LRRC8C: variants seen among roughly 807,000 people sequenced by gnomAD.
LRRC8C encodes volume-regulated anion channel subunit LRRC8C.
Under a neutral mutation model 55.3 loss-of-function variants are expected in LRRC8C, and 20 were observed. The ratio of observed to expected loss-of-function variants is 0.36; its 90% confidence interval spans 0.25 to 0.53. The LOEUF (loss-of-function observed/expected upper bound fraction) is 0.53, where lower values mean the gene tolerates loss of function less well. Ranked by LOEUF, LRRC8C falls within the 20% of genes least tolerant of loss-of-function variation. LRRC8C has a pLI of 0.92. For synonymous variants in LRRC8C, 376 were observed against 360.7 expected, an observed-to-expected ratio of 1.04 and a Z score of -0.48; for missense variants, 659 against 951.4, an observed-to-expected ratio of 0.69 and a Z score of 4.04.
chr1:89,714,090 C>T lies in LRRC8C; in HGVS notation c.1520C>T (p.Pro507Leu). The T allele has an allele frequency of 6.2e-7, 1 of 1,614,042 alleles. No individual in the cohort carries two copies. Among genetic ancestry groups the T allele is most frequent in the East Asian group, 2.2e-5 (1 of 44,884 alleles). ...AAGTTTGATGACATGAGGGAACTCC[C>T]CCCCTGGATGTATGGGCTCCGAAAT... ...SVKFDDMREL[P>L]PWMYGLRNLE... is the part of the protein sequence containing the mutation. Residue 507 changes from proline (P) to leucine (L), a missense_variant, in exon 3 of 3, where the codon CCC becomes CTC. By Grantham distance (98) the Pro-to-Leu change is moderately conservative (BLOSUM62 -3). Coordinates refer to ENST00000370454, the MANE Select transcript of LRRC8C (RefSeq NM_032270.5). This position sits in a 1 kb window ranked among gnomAD's most constrained non-coding sequence, Gnocchi z 4.6.
chr1:89,631,011 G>C (rs927113748), upstream of LRRC8C, among the ~76,000 whole-genome samples: 1 of 152,188 alleles, frequency 6.6e-6, no homozygotes, highest in Admixed American at 6.5e-5. Context: ...CAAAAGTATT[G>C]CAATAAAGCA....
intron 1 of LRRC8C, among the ~76,000 whole-genome samples, chr1:89,660,986 G>C (rs1209457902): frequency 6.6e-6 from 1 of 152,098 alleles, no homozygotes; most frequent in African/African-American, 2.4e-5. Context: ...GACTCCTCTG[G>C]TAGCCTTTTG....
At chr1:89,661,254 A>T (rs10737709) in intron 1 of LRRC8C, 90,906 of 264,860 alleles carry the variant, frequency 0.34, 15,932 homozygotes, top group African/African-American at 0.41. Flanking sequence ...GTAATCCACA[A>T]TTACTGAGTA....
chr1:89,711,400 G>A (rs1658645032), intron 2 of LRRC8C, among the ~76,000 whole-genome samples: 1 of 152,216 alleles, frequency 6.6e-6, no homozygotes, highest in South Asian at 2.1e-4. Flanking sequence ...CTTTGATGTT[G>A]CAAAATCACT....
At chr1:89,708,517 A>C (rs764467153) in intron 2 of LRRC8C, 2 of 151,498 alleles carry the variant, frequency 1.3e-5, no homozygotes, top group Non-Finnish European at 2.9e-5. Flanking sequence ...AAAATTTCCT[A>C]ATTCTCACAG....
intron 1 of LRRC8C, among the ~76,000 whole-genome samples, chr1:89,666,306 T>C (rs1657260754): frequency 6.6e-6 from 1 of 152,080 alleles, no homozygotes; most frequent in Admixed American, 6.6e-5. Context: ...ATACTGTTAA[T>C]AATATAAAGG....
At chr1:89,671,143 A>G (rs1278672168) in intron 1 of LRRC8C, among the ~76,000 whole-genome samples, 1 of 151,970 alleles carries the variant, frequency 6.6e-6, no homozygotes, top group Non-Finnish European at 1.5e-5. Flanking sequence ...AGCTCACTGC[A>G]TCCTTAAACT....
intron 1 of LRRC8C, among the ~76,000 whole-genome samples, chr1:89,639,420 T>C (rs1656392457): frequency 1.3e-5 from 2 of 152,216 alleles, no homozygotes; most frequent in Non-Finnish European, 2.9e-5. Flanking sequence ...TTGGGTTCTT[T>C]AGGTAGCATG....
chr1:89,703,063 AT>A (rs1198430225), intron 2 of LRRC8C, among the ~76,000 whole-genome samples: 1 of 152,200 alleles, frequency 6.6e-6, no homozygotes, highest in Non-Finnish European at 1.5e-5. Context: ...TTGAAGAAAT[AT>A]TTGCTTTAAT....
At chr1:89,655,343 G>A (rs1656912088) in intron 1 of LRRC8C, among the ~76,000 whole-genome samples, 1 of 151,970 alleles carries the variant, frequency 6.6e-6, no homozygotes, top group Non-Finnish European at 1.5e-5. Context: ...TTTTAAGTGT[G>A]AACTCCTGCT....
At chr1:89,642,942 TTGGAG>T (rs1439510756) in intron 1 of LRRC8C, among the ~76,000 whole-genome samples, 2 of 139,880 alleles carry the variant, frequency 1.4e-5, no homozygotes, top group Non-Finnish European at 3.0e-5. Context: ...CACTTGAACC[TTGGAG>T]GTGGAGGTTG....
chr1:89,622,393 C>T, the LRRC8C span, among the ~76,000 whole-genome samples: 1 of 146,916 alleles, frequency 6.8e-6, no homozygotes, highest in East Asian at 2.0e-4. Context: ...AGTGCAGTGG[C>T]GCGATCTCGG....
intron 1 of LRRC8C, among the ~76,000 whole-genome samples, chr1:89,642,464 C>T (rs1292815920): frequency 6.6e-6 from 1 of 152,196 alleles, no homozygotes; most frequent in Non-Finnish European, 1.5e-5. Context: ...CCTGTAATCC[C>T]AGCACTTTGG....
intron 1 of LRRC8C, among the ~76,000 whole-genome samples, chr1:89,678,820 A>G (rs1458404773): frequency 6.6e-6 from 1 of 152,210 alleles, no homozygotes; most frequent in Non-Finnish European, 1.5e-5. Flanking sequence ...AGCAACTGGA[A>G]AGATAGACTT....
At chr1:89,689,660 G>T (rs1338955903) in intron 2 of LRRC8C, among the ~76,000 whole-genome samples, 1 of 152,148 alleles carries the variant, frequency 6.6e-6, no homozygotes, top group Non-Finnish European at 1.5e-5. Context: ...AGAGAAATCG[G>T]CCGGGCATGG....
At position 89,696,925 on chromosome 1, in the gene LRRC8C, G is replaced by A. The variant is rs113682996; in HGVS notation, c.138+10314G>A. ...CCCTCTATAGGTAAAAGACCTGTTT[G>A]TCTGAAATGTGTGGAACCTGTCTTA... On this transcript the variant is annotated intron_variant, in intron 2 of 2. Transcript: ENST00000370454. 5.5e-3 allele frequency among the ~76,000 whole-genome samples: 837 copies of A among 152,224 alleles called. 11 individuals are homozygous for A. The highest frequency in any genetic ancestry group is 0.019 in the African/African-American group (793 of 41,534).
chr1:89,712,616 T>C, intron 2 of LRRC8C, 93 bp from the exon 3 acceptor site: 2 of 841,078 alleles, frequency 2.4e-6, no homozygotes, highest in Non-Finnish European at 1.9e-6. Context: ...GAAATGGACA[T>C]TTATTGGATG....
intron 2 of LRRC8C, among the ~76,000 whole-genome samples, chr1:89,693,531 A>T (rs1658079984): frequency 6.6e-6 from 1 of 151,870 alleles, no homozygotes; most frequent in African/African-American, 2.4e-5. Context: ...AGAAATTCTT[A>T]CTTAGAATCA....
rs143612038 is a variant in LRRC8C at position 89,688,421 on chromosome 1, G to T, written c.138+1810G>T. The stretch of plus-strand genomic sequence containing the variant: ...AAATCAATTAGTAAATATGTTAGAA[G>T]ATAAAGGCAATGGGAAAAAATAAAG... On this transcript the variant is annotated intron_variant, in intron 2 of 2. Coordinates refer to ENST00000370454, the MANE Select transcript of LRRC8C (RefSeq NM_032270.5). 3.6e-3 allele frequency among the ~76,000 whole-genome samples: 552 copies of T among 152,294 alleles called. 3 individuals carry two copies. The highest frequency in any genetic ancestry group is 0.013 in the African/African-American group (532 of 41,558).
Sources: gnomAD v4.1 joint callset for allele counts (sites outside exome capture counted in the v4.1 genomes callset) on GRCh38, gnomAD v4.1.1 for gene constraint, Gnocchi (gnomAD v3.1) non-coding constraint, MANE v1.5 for transcripts, NCBI Gene and HGNC (gene_info 2026-07-23, HGNC 2026-07-21) for gene names.